Variants in PIEZO1 observed in about 807,000 individuals in gnomAD.
PIEZO1 encodes the protein piezo type mechanosensitive ion channel component 1 (Er blood group).
A neutral mutation model predicts 297.2 loss-of-function variants in PIEZO1; 296 were observed. The observed-to-expected ratio is 1.00, with a 90% CI of 0.91 to 1.10. PIEZO1 has a LOEUF of 1.10. PIEZO1 is among the 50% of genes least tolerant of loss of function. The pLI, the probability that PIEZO1 is intolerant of heterozygous loss-of-function variation, is 0.00. For synonymous variants in PIEZO1, 2,427 were observed against 1,507.5 expected (o/e 1.61, Z -14.13); for missense variants, 5,018 against 3,455.5 (o/e 1.45, Z -11.34).
rs1908122771 is a variant in PIEZO1, at chr16:88,785,087, C to T, written c.-123G>A. 2 of 500,710 alleles carry T rather than the reference C, an allele frequency of 4.0e-6. No homozygotes were observed. The highest frequency in any genetic ancestry group is 4.9e-5 in the East Asian group (1 of 20,424). The allele number at this position is 500,710 out of a possible 1,614,324, so 31.0% of individuals were successfully genotyped here. ...GGGGACCCGCGCGCCGCCTTCTCCT[C>T]TTCCTCCTTCTCCTTCGGCCGCCCC... On this transcript the variant is annotated 5_prime_UTR_variant, in exon 1 of 51. Coordinates refer to ENST00000301015, the MANE Select transcript of PIEZO1 (RefSeq NM_001142864.4).
chr16:88,730,424 C>T (rs1904723014), intron 22 of PIEZO1, among the ~76,000 whole-genome samples: 1 of 151,846 alleles, frequency 6.6e-6, no homozygotes, highest in African/African-American at 2.4e-5. Flanking sequence ...ATGGTGAAAC[C>T]CCGTCTCTAC....
In PIEZO1 at chr16:88,742,410, CG is replaced by C. The variant is rs1905741345; in HGVS notation, c.172del (p.Arg58AlafsTer48). ...TRCGLQGHTG[R>X]LLRALLGLSL... ...GAGGCCCAGCAATGCCCGCAGGAGG[CG>C]GCCTGTGTGACCTGCGGCAGAGCGA... On this transcript the variant is annotated frameshift_variant, in exon 3 of 51. Transcript: ENST00000301015. LOFTEE classifies it high-confidence loss of function. The C allele has an allele frequency of 6.5e-7, 1 of 1,534,736 alleles. No individual in the cohort carries two copies. The highest frequency in any genetic ancestry group is 8.7e-7 in the Non-Finnish European group (1 of 1,146,598).
chr16:88,721,697 C>G lies in PIEZO1; in HGVS notation c.5244G>C (p.Gln1748His). The G allele has an allele frequency of 6.5e-7, 1 of 1,548,698 alleles. No homozygotes were observed. The highest frequency in any genetic ancestry group is 8.7e-7 in the Non-Finnish European group (1 of 1,146,372). ...GGCTGTTCCAGGGGAAGAACCCAAA[C>G]TGGAACAGGTACTTGACGACCACCG... Reference protein sequence around the residue: ...EIAVVVKYLFQFGFFPWNSHV... With the variant: ...EIAVVVKYLFHFGFFPWNSHV... The change falls in exon 38 of 51, where the codon CAG becomes CAC. Residue 1748 changes from glutamine to histidine, a missense_variant. Transcript: ENST00000301015.
At chr16:88,758,725 C>A (rs1906789248) in intron 1 of PIEZO1, among the ~76,000 whole-genome samples, 1 of 152,248 alleles carries the variant, frequency 6.6e-6, no homozygotes, top group Non-Finnish European at 1.5e-5. Context: ...CTCACAACTG[C>A]TGAGATGACC....
chr16:88,720,576 C>A, intron 40 of PIEZO1, 40 bp downstream of exon 40: 1 of 1,542,952 alleles, frequency 6.5e-7, no homozygotes. Context: ...CCCGCCTCCC[C>A]ACCCCCACTC....
intron 49 of PIEZO1, 36 bp downstream of exon 49, chr16:88,716,160 CCT>C (rs1912010723): frequency 6.6e-7 from 1 of 1,520,008 alleles, no homozygotes; most frequent in African/African-American, 1.4e-5. Flanking sequence ...GCAGGTCACC[CCT>C]CTCTAGCCTC....
intron 1 of PIEZO1, among the ~76,000 whole-genome samples, chr16:88,763,383 A>G (rs937501681): frequency 6.6e-6 from 1 of 152,208 alleles, no homozygotes; most frequent in Non-Finnish European, 1.5e-5. Context: ...CTCTTCATCT[A>G]GAAAGTAGCA....
rs552401582 is a variant in PIEZO1 at position 88,720,736 on chromosome 16, C to G, written c.5681G>C (p.Arg1894Thr). The change falls in exon 40 of 51, where the codon AGG (arginine) becomes ACG (threonine). Residue 1894 changes from arginine (R) to threonine (T), a missense_variant. By Grantham distance (71) the Arg-to-Thr change is moderately conservative. Transcript: ENST00000301015. ...CTCTTCCTCCCCCTCTTCTTCCTCC[C>G]TGTCCTCAGCTTCTGTAGGGAAAAG... Reference protein sequence around the residue: ...KGAAAIEAEDREEEEGEEEKE... With the variant: ...KGAAAIEAEDTEEEEGEEEKE... 1.3e-6 allele frequency: 2 copies of G among 1,505,172 alleles called. No homozygotes were observed. Among genetic ancestry groups the G allele is most frequent in the Admixed American group, 4.8e-5 (2 of 42,074 alleles). 93.2% of individuals were successfully genotyped at this position (1,505,172 alleles called of 1,614,324 possible).
chr16:88,717,154 C>T lies in PIEZO1; in HGVS notation c.6529G>A (p.Gly2177Ser). The T allele has an allele frequency of 1.9e-6, 3 of 1,551,130 alleles. No homozygotes were observed. Among genetic ancestry groups the T allele is most frequent in the Non-Finnish European group, 2.6e-6 (3 of 1,147,186 alleles). The part of the protein sequence containing the change: ...KKKIVKYGMG[G>S]LIILFLIAII... ...GCGATGAGGAAGAGGATGATGAGGC[C>T]ACCCATGCCGTACTTGACGATCTTC... The change falls in exon 45 of 51, where the codon GGC (glycine) becomes AGC (serine). Residue 2177 changes from glycine to serine, a missense_variant. Coordinates refer to ENST00000301015, the MANE Select transcript of PIEZO1 (RefSeq NM_001142864.4).
chr16:88,763,041 A>G (rs898747312), intron 1 of PIEZO1, among the ~76,000 whole-genome samples: 1 of 152,212 alleles, frequency 6.6e-6, no homozygotes, highest in Non-Finnish European at 1.5e-5. Flanking sequence ...GGGTGCAACC[A>G]AAACAGTCTG....
chr16:88,748,932 C>CA (rs869031857), intron 2 of PIEZO1, among the ~76,000 whole-genome samples: 5,704 of 45,100 alleles, frequency 0.13, 480 homozygotes, highest in Non-Finnish European at 0.17. Context: ...GACTCGGTCT[C>CA]AAAAAAAAAA....
intron 1 of PIEZO1, among the ~76,000 whole-genome samples, chr16:88,761,752 C>A: frequency 6.7e-6 from 1 of 150,290 alleles, no homozygotes; most frequent in Non-Finnish European, 1.5e-5. Flanking sequence ...CCACTGCCCT[C>A]CGCACCTCCC....
In PIEZO1 at chr16:88,732,310, G is replaced by A. The variant is rs57826109; in HGVS notation, c.2991+25C>T. Reference sequence around the variant, plus strand: ...CTCCCGAAGGCCAAGCCCTGCCCCAGGGGGAGGCAATGTCCTTGCCTCACC... The same window carrying A: ...CTCCCGAAGGCCAAGCCCTGCCCCAAGGGGAGGCAATGTCCTTGCCTCACC... On this transcript the variant is annotated intron_variant, in intron 21 of 50. Transcript: ENST00000301015. 0.017 allele frequency: 26,372 copies of A among 1,532,470 alleles called. 2,005 individuals carry two copies. In the African/African-American group the frequency reaches 0.22, roughly 13 times the overall value. 94.9% of individuals were successfully genotyped at this position (1,532,470 alleles called of 1,614,324 possible). A position where few individuals can be genotyped will look rare whatever the true frequency, so the allele number is the denominator to read the frequency against.
intron 22 of PIEZO1, among the ~76,000 whole-genome samples, chr16:88,729,396 G>A (rs1488615341): frequency 5.5e-5 from 4 of 72,874 alleles, no homozygotes; most frequent in Non-Finnish European, 3.0e-5. Flanking sequence ...AGGGAACCTC[G>A]CGACCCAAAA....
Position 88,723,121 on chromosome 16 carries a change from G to T in PIEZO1, c.4469C>A (p.Ala1490Glu). 1 of 1,548,792 alleles carries T rather than the reference G, an allele frequency of 6.5e-7. No homozygotes were observed. Among genetic ancestry groups the T allele is most frequent in the Non-Finnish European group, 8.7e-7 (1 of 1,146,816 alleles). Residue 1490 changes from alanine to glutamate, a missense_variant, in exon 33 of 51, where the codon GCA becomes GAA. By Grantham distance (107) the Ala-to-Glu change is moderately radical. Coordinates refer to ENST00000301015, the MANE Select transcript of PIEZO1 (RefSeq NM_001142864.4). ...GGGPSQEVEP[A>E]EGPEEAAAGR... ...TGCCGCTGCCTCCTCGGGGCCCTCT[G>T]CTGGCTCCACCTCCTGGCTGGGACC...
intron 2 of PIEZO1, among the ~76,000 whole-genome samples, chr16:88,746,630 C>G (rs917978772): frequency 1.3e-5 from 2 of 152,202 alleles, no homozygotes; most frequent in African/African-American, 4.8e-5. Context: ...GGGCACTCGG[C>G]TCGGGCAAGC....
chr16:88,737,444 G>A lies in PIEZO1; in HGVS notation c.1195+115C>T, dbSNP rs186257879. The A allele has an allele frequency of 1.6e-3, 1,079 of 682,522 alleles. 11 individuals carry two copies. In the African/African-American group the frequency reaches 0.016, roughly 10 times the overall value. 42.3% of individuals were successfully genotyped at this position (682,522 alleles called of 1,614,324 possible). A position where few individuals can be genotyped will look rare whatever the true frequency, so the allele number is the denominator to read the frequency against. ...GGATGTCCTGGGCCCCCGAGGGGGC[G>A]GCAGGCAGAGGTGCGGCGCGAGCAT... On this transcript the variant is annotated intron_variant, in intron 10 of 50. Transcript: ENST00000301015.
chr16:88,739,876 T>A (rs1481091771), intron 5 of PIEZO1: 1 of 151,546 alleles, frequency 6.6e-6, no homozygotes, highest in Non-Finnish European at 1.5e-5. Context: ...CTGGGAAATC[T>A]TCTGAGCAGA....
chr16:88,760,457 T>C (rs1906877520), intron 1 of PIEZO1, among the ~76,000 whole-genome samples: 1 of 152,250 alleles, frequency 6.6e-6, no homozygotes, highest in Non-Finnish European at 1.5e-5. Flanking sequence ...AACCAACCCC[T>C]GTCATCTCAT....
Sources: gnomAD v4.1 joint callset for allele counts (sites outside exome capture counted in the v4.1 genomes callset) on GRCh38, gnomAD v4.1.1 for gene constraint, MANE v1.5 for transcripts, NCBI Gene and HGNC (gene_info 2026-07-23, HGNC 2026-07-21) for gene names.